KSR2: variants seen among roughly 807,000 people sequenced by gnomAD.
KSR2 encodes the protein kinase suppressor of ras 2.
In KSR2, 25 loss-of-function variants were observed where a neutral mutation model predicts 107.8. The observed-to-expected ratio is 0.23, with a 90% CI of 0.17 to 0.32. The LOEUF is 0.32. Among genes scored for constraint, KSR2 ranks in the 10% least tolerant of loss-of-function variants. KSR2 has a pLI of 1.00. For synonymous variants in KSR2, 480 were observed against 507.0 expected (o/e 0.95, Z 0.71); for missense variants, 887 against 1,268.9 (o/e 0.70, Z 4.57).
At position 117,518,127 on chromosome 12, in the gene KSR2, G is replaced by A. The variant is rs540687020; in HGVS notation, c.2219+6725C>T. ...TTACTACCTTGTCCCTAGGAGATGG[G>A]TAAGTGCTGGATATTTCATGCACGC... On this transcript the variant is annotated intron_variant, in intron 14 of 19. Transcript: ENST00000339824. 3.3e-4 allele frequency among the ~76,000 whole-genome samples: 50 copies of A among 152,274 alleles called. 1 individual carries two copies. The South Asian group carries it at 0.01, about 32-fold the overall frequency.
At chr12:117,914,250 G>A (rs1895110262) in intron 1 of KSR2, among the ~76,000 whole-genome samples, 1 of 151,980 alleles carries the variant, frequency 6.6e-6, no homozygotes, top group African/African-American at 2.4e-5. Context: ...TCAACATGGT[G>A]AAACCCCACC....
chr12:117,499,392 T>A (rs1432715827), intron 14 of KSR2, among the ~76,000 whole-genome samples: 1 of 152,234 alleles, frequency 6.6e-6, no homozygotes, highest in East Asian at 1.9e-4. Context: ...ATGTTCCTTT[T>A]GTAAATCGAG....
intron 3 of KSR2, among the ~76,000 whole-genome samples, chr12:117,826,464 A>T (rs1891756234): frequency 6.8e-6 from 1 of 146,034 alleles, no homozygotes; most frequent in African/African-American, 2.6e-5. Flanking sequence ...GGGAAGGAGG[A>T]AAAAAAGATC....
At chr12:117,558,828 A>G (rs1030559939) in intron 7 of KSR2, among the ~76,000 whole-genome samples, 2 of 149,684 alleles carry the variant, frequency 1.3e-5, no homozygotes, top group Non-Finnish European at 3.0e-5. Flanking sequence ...CTGGGTGGAT[A>G]GATTGATAGG....
chr12:117,678,425 G>T (rs1026667977), intron 4 of KSR2, among the ~76,000 whole-genome samples: 1 of 152,026 alleles, frequency 6.6e-6, no homozygotes, highest in Non-Finnish European at 1.5e-5. Context: ...AGGATTCCGG[G>T]GCTCTCTGGG....
chr12:117,729,009 C>T (rs962421705), intron 4 of KSR2, among the ~76,000 whole-genome samples: 7 of 152,160 alleles, frequency 4.6e-5, no homozygotes, highest in South Asian at 2.1e-4. Flanking sequence ...TCCATAAATG[C>T]GAGTTTCCTT....
chr12:117,620,077 T>C (rs1366621568), intron 5 of KSR2, among the ~76,000 whole-genome samples: 1 of 152,140 alleles, frequency 6.6e-6, no homozygotes, highest in Non-Finnish European at 1.5e-5. Flanking sequence ...TAATTTATCA[T>C]AGTTGATCTT....
At position 117,968,622 on chromosome 12, in the gene KSR2, AGAGGAGGAGGGAGAG is replaced by A. The variant is rs765651235; in HGVS notation, c.-382_-368del. 1,588 of 332,608 alleles carry A rather than the reference AGAGGAGGAGGGAGAG, an allele frequency of 4.8e-3. 12 individuals carry two copies. The highest frequency in any genetic ancestry group is 0.013 in the Middle Eastern group (11 of 864). The allele number at this position is 332,608 out of a possible 1,614,324, so 20.6% of individuals were successfully genotyped here. On this transcript the variant is annotated 5_prime_UTR_variant, in exon 1 of 20. Coordinates refer to ENST00000339824, the MANE Select transcript of KSR2 (RefSeq NM_173598.6). ...AAAAAGAAGAGGAGAAGGAGGAGAG[AGAGGAGGAGGGAGAG>A]GAGGAGGAGGGAGAGGAGGAGGAGG... is the stretch of plus-strand genomic sequence containing the variant.
intron 5 of KSR2, among the ~76,000 whole-genome samples, chr12:117,602,293 G>A (rs546590426): frequency 1.3e-5 from 2 of 152,002 alleles, no homozygotes; most frequent in East Asian, 1.9e-4. Flanking sequence ...CCTTTAACAC[G>A]TTCACAGTGG....
chr12:117,581,208 A>G (rs1307947531), intron 6 of KSR2, among the ~76,000 whole-genome samples: 2 of 152,020 alleles, frequency 1.3e-5, no homozygotes, highest in Non-Finnish European at 2.9e-5. Flanking sequence ...GAGAATGCTC[A>G]CCTCCTCCAT....
At position 117,569,611 on chromosome 12, in the gene KSR2, A is replaced by ATAT. The variant is rs1878746060; in HGVS notation, c.1325+9507_1325+9508insATA. Among the ~76,000 whole-genome samples the ATAT allele has an allele frequency of 2.6e-5, 4 of 152,282 alleles. No homozygotes were observed. In the South Asian group the frequency reaches 8.3e-4, roughly 32 times the overall value. On this transcript the variant is annotated intron_variant, in intron 7 of 19. Transcript: ENST00000339824. ...ACATAGGAACATATAAAATGTCTTTAGTTAGTAAAGACCTACGTCTATTGT... is the reference window on the plus strand; with the variant it reads ...ACATAGGAACATATAAAATGTCTTTATATGTTAGTAAAGACCTACGTCTATTGT...
intron 1 of KSR2, among the ~76,000 whole-genome samples, chr12:117,959,713 T>C (rs1896606371): frequency 6.6e-6 from 1 of 152,132 alleles, no homozygotes; most frequent in Non-Finnish European, 1.5e-5. Flanking sequence ...TGAGCATCAC[T>C]TGAGCCCAGG....
At chr12:117,733,869 G>A (rs1367781451) in intron 4 of KSR2, among the ~76,000 whole-genome samples, 5 of 152,132 alleles carry the variant, frequency 3.3e-5, no homozygotes, top group Non-Finnish European at 5.9e-5. Context: ...CATAGGCACC[G>A]AAAAATAAGT....
intron 1 of KSR2, among the ~76,000 whole-genome samples, chr12:117,941,767 G>C (rs150934609): frequency 6.7e-6 from 1 of 149,254 alleles, no homozygotes; most frequent in Non-Finnish European, 1.5e-5. Flanking sequence ...GCTGGGACTC[G>C]GGCATGTGCC....
chr12:117,665,529 C>T (rs1188914849), intron 5 of KSR2, among the ~76,000 whole-genome samples: 1 of 152,126 alleles, frequency 6.6e-6, no homozygotes, highest in Middle Eastern at 3.2e-3. Flanking sequence ...AAGGTAAATG[C>T]CAAGCACTCT....
intron 3 of KSR2, among the ~76,000 whole-genome samples, chr12:117,821,826 G>GT (rs1415751829): frequency 6.6e-6 from 1 of 152,208 alleles, no homozygotes; most frequent in Non-Finnish European, 1.5e-5. Context: ...GGAGTCTGAA[G>GT]TATTATTGTC....
In KSR2 at chr12:117,968,543, A is replaced by G; in HGVS notation, c.-288T>C. 1 of 1,170,486 alleles carries G rather than the reference A, an allele frequency of 8.5e-7. No homozygotes were observed. Among genetic ancestry groups the G allele is most frequent in the Non-Finnish European group, 1.1e-6 (1 of 941,744 alleles). The allele number at this position is 1,170,486 out of a possible 1,614,324, so 72.5% of individuals were successfully genotyped here. ...AAAAGGAGAGATGCTGTTTCTCAGA[A>G]GCAAACCAGGTGATGTGATGCTGTC... On this transcript the variant is annotated 5_prime_UTR_variant, in exon 1 of 20. Coordinates refer to ENST00000339824, the MANE Select transcript of KSR2 (RefSeq NM_173598.6).
chr12:117,484,444 T>C lies in KSR2; in HGVS notation c.2422A>G (p.Ser808Gly). 2 of 1,613,980 alleles carry C rather than the reference T, an allele frequency of 1.2e-6. No individual in the cohort carries two copies. Among genetic ancestry groups the C allele is most frequent in the Non-Finnish European group, 1.7e-6 (2 of 1,179,862 alleles). The change falls in exon 16 of 20, where the codon AGC becomes GGC. Residue 808 changes from serine (S) to glycine (G), a missense_variant. Ser to Gly is a moderately conservative substitution (Grantham distance 56). Around this residue, in one of 8 missense-constraint regions of KSR2, gnomAD observed 308 missense variants for 506.2 expected, o/e 0.61. Transcript: ENST00000339824. The part of the protein sequence containing the change: ...KVVITDFGLF[S>G]ISGVLQAGRR... The stretch of plus-strand genomic sequence containing the variant: ...CCAGCCTGCAGCACCCCAGAAATGC[T>C]GAAGAGTCCAAAGTCCGTGATGACC...
intron 5 of KSR2, among the ~76,000 whole-genome samples, chr12:117,587,340 A>G (rs1468398711): frequency 6.6e-6 from 1 of 152,178 alleles, no homozygotes; most frequent in Non-Finnish European, 1.5e-5. Context: ...GGTGAGAGTC[A>G]GAGGTCAGAG....
Sources: allele counts gnomAD v4.1 joint callset (sites outside exome capture counted in the v4.1 genomes callset), GRCh38; gene constraint gnomAD v4.1.1; regional missense constraint gnomAD v4.1.1; transcripts MANE v1.5; gene names NCBI Gene and HGNC (gene_info 2026-07-23, HGNC 2026-07-21).